TCP11: variants seen among roughly 807,000 people sequenced by gnomAD.
TCP11 encodes t-complex 11, also known as T-complex protein 11 homolog.
TCP11 carries 34 observed loss-of-function variants against 45.0 expected under a neutral mutation model. The observed-to-expected ratio is 0.76, with a 90% CI of 0.57 to 1.01. TCP11 has a LOEUF of 1.01. TCP11 is among the 50% of genes least tolerant of loss of function. The probability of loss-of-function intolerance (pLI) is 0.00; values close to 1 mark genes in which losing one functional copy is unlikely to be tolerated. For synonymous variants in TCP11, 227 were observed against 227.0 expected, an observed-to-expected ratio of 1.00 and a Z score of 0.00; for missense variants, 523 against 598.1, an observed-to-expected ratio of 0.87 and a Z score of 1.31.
In TCP11 at chr6:35,120,192, A is replaced by T; in HGVS notation, c.1082T>A (p.Ile361Lys). 6.2e-7 allele frequency: 1 copy of T among 1,614,242 alleles called. No individual in the cohort carries two copies. The highest frequency in any genetic ancestry group is 8.5e-7 in the Non-Finnish European group (1 of 1,180,036). ...SPQFVDKLKR[I>K]TKSLLEDFHS... ...AAAGTCTTCCAACAAGGATTTGGTTATGCGTTTCAGTTTATCTACAAATTG... is the reference window on the plus strand; with the variant it reads ...AAAGTCTTCCAACAAGGATTTGGTTTTGCGTTTCAGTTTATCTACAAATTG... Residue 361 changes from isoleucine (I) to lysine (K), a missense_variant, in exon 8 of 10, where the codon ATA becomes AAA. Ile to Lys is a moderately radical substitution (Grantham distance 102). Transcript: ENST00000311875. This position sits in a 1 kb window ranked among gnomAD's most constrained non-coding sequence, Gnocchi z 4.9.
chr6:35,132,187 T>C (rs1221344248), intron 3 of TCP11, among the ~76,000 whole-genome samples: 1 of 152,234 alleles, frequency 6.6e-6, no homozygotes, highest in Non-Finnish European at 1.5e-5. Flanking sequence ...AAGTCGCTTG[T>C]AAAGAACATA....
At chr6:35,136,322 T>C (rs1781103250) in intron 2 of TCP11, 104 bp from the exon 3 acceptor site, 1 of 774,094 alleles carries the variant, frequency 1.3e-6, no homozygotes. Context: ...AAACTGGTCT[T>C]ACACAGACTC....
chr6:35,129,511 T>C (rs1170995801), intron 3 of TCP11, among the ~76,000 whole-genome samples: 1 of 152,248 alleles, frequency 6.6e-6, no homozygotes, highest in Admixed American at 6.5e-5. Context: ...TTTCCATTTG[T>C]GTATACACAT....
At chr6:35,141,134 T>C in intron 1 of TCP11, 71 bp downstream of exon 1, 1 of 1,315,480 alleles carries the variant, frequency 7.6e-7, no homozygotes, top group Middle Eastern at 2.9e-4. Context: ...GAAGGCCCCT[T>C]CCTTCGCGGC....
At chr6:35,135,616 T>A (rs1780986368) in intron 3 of TCP11, among the ~76,000 whole-genome samples, 3 of 97,112 alleles carry the variant, frequency 3.1e-5, no homozygotes, top group East Asian at 2.7e-4. Flanking sequence ...TGAGACCCCA[T>A]CTCTAAAAAA....
intron 2 of TCP11, 169 bp downstream of exon 2, chr6:35,140,578 G>C (rs1003483100): frequency 1.5e-6 from 1 of 686,930 alleles, no homozygotes; most frequent in Admixed American, 2.0e-5. Flanking sequence ...AAAACTCTTT[G>C]AAGACCTCTG....
At chr6:35,140,316 A>G (rs1231737062) in intron 2 of TCP11, 3 of 966,464 alleles carry the variant, frequency 3.1e-6, no homozygotes, top group African/African-American at 1.6e-5. Context: ...CAAGAACACA[A>G]AAGAACACCC....
chr6:35,125,044 G>A (rs1186544394), intron 4 of TCP11, among the ~76,000 whole-genome samples: 2 of 151,536 alleles, frequency 1.3e-5, no homozygotes, highest in Non-Finnish European at 2.9e-5. Context: ...TTAGCCGGGC[G>A]TGATAGTGCA....
At chr6:35,137,888 T>C in intron 2 of TCP11, 1 of 423,816 alleles carries the variant, frequency 2.4e-6, no homozygotes, top group South Asian at 1.7e-5. Context: ...ATTGTATTAG[T>C]CATTCTATTT....
intron 3 of TCP11, among the ~76,000 whole-genome samples, chr6:35,132,261 C>T (rs938752435): frequency 1.3e-5 from 2 of 152,238 alleles, no homozygotes; most frequent in East Asian, 1.9e-4. Context: ...CAACCTTTCA[C>T]ACCAAGACCA....
intron 3 of TCP11, among the ~76,000 whole-genome samples, chr6:35,132,100 C>T (rs1780516902): frequency 6.6e-6 from 1 of 152,238 alleles, no homozygotes; most frequent in African/African-American, 2.4e-5. Context: ...GCTTATGTTA[C>T]CTTATATCAT....
chr6:35,137,755 A>T (rs2127688796), intron 2 of TCP11: 1 of 454,466 alleles, frequency 2.2e-6, no homozygotes, highest in South Asian at 1.6e-5. Flanking sequence ...CTCTCTTTTG[A>T]TGCAGCATCA....
chr6:35,136,786 A>G (rs1201315135), intron 2 of TCP11, among the ~76,000 whole-genome samples: 1 of 5,070 alleles, frequency 2.0e-4, no homozygotes, highest in South Asian at 2.5e-3. Flanking sequence ...TAGTATGGAC[A>G]GTGAAACAAG....
At chr6:35,122,571 T>C (rs1779400207) in intron 4 of TCP11, among the ~76,000 whole-genome samples, 1 of 152,106 alleles carries the variant, frequency 6.6e-6, no homozygotes. Context: ...GAATGAGATA[T>C]AGAGATGAAT....
Position 35,118,413 on chromosome 6 carries a change from A to G in TCP11, c.1368T>C (p.Ile456=). 1 of 1,614,214 alleles carries G rather than the reference A, an allele frequency of 6.2e-7. No homozygotes were observed. Among genetic ancestry groups the G allele is most frequent in the South Asian group, 1.1e-5 (1 of 91,082 alleles). ...GGCCCAGTTCTGCCAGTTCTGCTTCAATGAGAGTAAGGCCTCCAGGAAGGT... is the reference window on the plus strand; with the variant it reads ...GGCCCAGTTCTGCCAGTTCTGCTTCGATGAGAGTAAGGCCTCCAGGAAGGT... ...LLDLPGGLTL[I]EAELAELGQK... is the part of the protein sequence containing the mutation. Residue 456 remains isoleucine (I), a synonymous_variant, in exon 10 of 10, where the codon ATT becomes ATC. Transcript: ENST00000311875.
chr6:35,123,429 C>T (rs934913933), intron 4 of TCP11, among the ~76,000 whole-genome samples: 1 of 149,170 alleles, frequency 6.7e-6, no homozygotes, highest in East Asian at 2.0e-4. Context: ...GGACAAATTG[C>T]TGTACCTGAA....
At chr6:35,132,655 C>A (rs1217529138) in intron 3 of TCP11, among the ~76,000 whole-genome samples, 4 of 152,156 alleles carry the variant, frequency 2.6e-5, no homozygotes, top group Non-Finnish European at 4.4e-5. Flanking sequence ...AATGAGTAAC[C>A]TCAAACAATT....
In TCP11 at chr6:35,122,048, AG is replaced by A. The variant is rs898441442; in HGVS notation, c.578+68del. The A allele has an allele frequency of 2.7e-6, 4 of 1,462,544 alleles. No individual in the cohort carries two copies. In the African/African-American group the frequency reaches 5.6e-5, roughly 20 times the overall value. The allele number at this position is 1,462,544 out of a possible 1,614,324, so 90.6% of individuals were successfully genotyped here. A position where few individuals can be genotyped will look rare whatever the true frequency, so the allele number is the denominator to read the frequency against. On this transcript the variant is annotated intron_variant, in intron 5 of 9. Coordinates refer to ENST00000311875, the MANE Select transcript of TCP11 (RefSeq NM_001370687.1). ...CTGGTCAAGACGATGGCTATAATCTAGGTCTGGCCCAGCTTTTCCGGGCTCA... is the reference window on the plus strand; with the variant it reads ...CTGGTCAAGACGATGGCTATAATCTAGTCTGGCCCAGCTTTTCCGGGCTCA...
chr6:35,137,719 C>A, intron 2 of TCP11: 1 of 449,664 alleles, frequency 2.2e-6, no homozygotes, highest in South Asian at 1.6e-5. Context: ...AAAATGCAGC[C>A]GTATACAATA....
Sources: allele counts gnomAD v4.1 joint callset (sites outside exome capture counted in the v4.1 genomes callset), GRCh38; gene constraint gnomAD v4.1.1; non-coding constraint Gnocchi (gnomAD v3.1); transcripts MANE v1.5; gene names NCBI Gene and HGNC (gene_info 2026-07-23, HGNC 2026-07-21).